Variants in FNBP1L observed in about 807,000 individuals in gnomAD.
The protein encoded by FNBP1L is formin binding protein 1 like.
Under a neutral mutation model 91.2 loss-of-function variants are expected in FNBP1L, and 36 were observed. The observed-to-expected ratio is 0.39, with a 90% CI of 0.30 to 0.52. The LOEUF is 0.52. Ranked by LOEUF, FNBP1L falls within the 20% of genes least tolerant of loss-of-function variation. The pLI is 0.66. For missense variants in FNBP1L, 571 were observed against 732.1 expected, an observed-to-expected ratio of 0.78 and a Z score of 2.54; for synonymous variants, 242 against 237.0, an observed-to-expected ratio of 1.02 and a Z score of -0.19.
chr1:93,502,073 A>T (rs977136003), intron 2 of FNBP1L, among the ~76,000 whole-genome samples: 1 of 152,228 alleles, frequency 6.6e-6, no homozygotes, highest in African/African-American at 2.4e-5. Context: ...CTTATTCATC[A>T]GGTTGAATGA....
intron 14 of FNBP1L, among the ~76,000 whole-genome samples, chr1:93,548,836 A>G (rs1672319074): frequency 6.6e-6 from 1 of 152,200 alleles, no homozygotes; most frequent in African/African-American, 2.4e-5. Flanking sequence ...TGAACTGGTT[A>G]TATAGATGAT....
intron 2 of FNBP1L, among the ~76,000 whole-genome samples, chr1:93,499,859 C>T (rs550935813): frequency 5.3e-5 from 8 of 152,206 alleles, no homozygotes; most frequent in African/African-American, 1.9e-4. Flanking sequence ...GAAATATCTG[C>T]GTGTTATTCT....
Position 93,539,595 on chromosome 1 carries a change from C to G in FNBP1L, c.1150-1447C>G, listed in dbSNP as rs564787151. 3.3e-5 allele frequency among the ~76,000 whole-genome samples: 5 copies of G among 152,072 alleles called. No individual in the cohort carries two copies. In the South Asian group the frequency reaches 1.0e-3, roughly 32 times the overall value. ...TATAGAAATTAGATAATTTGCATCA[C>G]TTAGAAATTTCACTGGTGAAAATTA... On this transcript the variant is annotated intron_variant, in intron 10 of 16. Transcript: ENST00000271234.
At chr1:93,479,409 TCTTAAAC>T (rs1311295963) in intron 1 of FNBP1L, among the ~76,000 whole-genome samples, 2 of 152,180 alleles carry the variant, frequency 1.3e-5, no homozygotes, top group Non-Finnish European at 2.9e-5. Context: ...TTGATAAATA[TCTTAAAC>T]AACAGAAAAC....
intron 9 of FNBP1L, 138 bp downstream of exon 9, chr1:93,535,046 T>TA (rs1462359336): frequency 1.1e-5 from 8 of 706,822 alleles, no homozygotes; most frequent in Middle Eastern, 3.7e-4. Context: ...ACCTTTCACT[T>TA]ATATTAGGAA....
chr1:93,543,287 G>A (rs1334444896), intron 11 of FNBP1L, among the ~76,000 whole-genome samples: 1 of 152,060 alleles, frequency 6.6e-6, no homozygotes, highest in Admixed American at 6.6e-5. Flanking sequence ...GGTGTCATTT[G>A]GATCAGATGT....
At chr1:93,542,681 G>A (rs985976660) in intron 11 of FNBP1L, among the ~76,000 whole-genome samples, 1 of 151,400 alleles carries the variant, frequency 6.6e-6, no homozygotes, top group Non-Finnish European at 1.5e-5. Context: ...ACAGGCATAA[G>A]TGGCCCAAAG....
In FNBP1L at chr1:93,448,323, G is replaced by A. The variant is rs112115613; in HGVS notation, c.24+18G>A. 1 of 1,505,466 alleles carries A rather than the reference G, an allele frequency of 6.6e-7. No homozygotes were observed. The highest frequency in any genetic ancestry group is 8.9e-7 in the Non-Finnish European group (1 of 1,128,626). 93.3% of individuals were successfully genotyped at this position (1,505,466 alleles called of 1,614,324 possible). ...AGCTGTGGGTGAGTCGGGGAGAGGG[G>A]CGCCCCGCACGGACCCCGGCCCCTG... On this transcript the variant is annotated intron_variant, in intron 1 of 16. Transcript: ENST00000271234.
At chr1:93,535,416 T>C (rs554780715) in intron 9 of FNBP1L, among the ~76,000 whole-genome samples, 1 of 152,254 alleles carries the variant, frequency 6.6e-6, no homozygotes, top group East Asian at 1.9e-4. Flanking sequence ...TCTTAACTTC[T>C]TGTTAGAACC....
chr1:93,544,377 C>T (rs1015600668), intron 12 of FNBP1L, among the ~76,000 whole-genome samples, 161 bp downstream of exon 12: 6 of 152,026 alleles, frequency 3.9e-5, no homozygotes, highest in African/African-American at 1.4e-4. Flanking sequence ...TATGGTTACC[C>T]TGTCATAGGT....
intron 4 of FNBP1L, 133 bp downstream of exon 4, chr1:93,523,624 T>G (rs929917447): frequency 1.1e-6 from 1 of 906,674 alleles, no homozygotes; most frequent in Non-Finnish European, 1.6e-6. Flanking sequence ...AGCTAAAAAT[T>G]ATCACAAAAT....
At chr1:93,510,605 G>A (rs1272185340) in intron 2 of FNBP1L, among the ~76,000 whole-genome samples, 10 of 151,426 alleles carry the variant, frequency 6.6e-5, no homozygotes, top group African/African-American at 9.7e-5. Flanking sequence ...AAAGCTGGAC[G>A]GAGAATGACT....
chr1:93,522,434 G>A (rs1434750471), intron 3 of FNBP1L, among the ~76,000 whole-genome samples: 1 of 152,154 alleles, frequency 6.6e-6, no homozygotes, highest in African/African-American at 2.4e-5. Context: ...ACTTGGTTGT[G>A]TAGTTGTTGG....
intron 7 of FNBP1L, among the ~76,000 whole-genome samples, chr1:93,531,962 A>C (rs1455767887): frequency 6.6e-6 from 1 of 152,268 alleles, no homozygotes; most frequent in East Asian, 1.9e-4. Flanking sequence ...TATGTGTTCC[A>C]ACATATTTCC....
chr1:93,530,162 G>C (rs1671626677), intron 6 of FNBP1L, among the ~76,000 whole-genome samples: 2 of 152,052 alleles, frequency 1.3e-5, no homozygotes, highest in Admixed American at 1.3e-4. Context: ...CTTTGTACAA[G>C]AGATCAAGAG....
chr1:93,527,982 A>G (rs185997697), intron 5 of FNBP1L, among the ~76,000 whole-genome samples: 19 of 152,042 alleles, frequency 1.2e-4, no homozygotes, highest in Admixed American at 8.5e-4. Context: ...ATGATAGTAG[A>G]AAAAAAAGCC....
At chr1:93,515,203 A>T (rs1233995574) in intron 2 of FNBP1L, among the ~76,000 whole-genome samples, 2 of 152,178 alleles carry the variant, frequency 1.3e-5, no homozygotes, top group Non-Finnish European at 2.9e-5. Flanking sequence ...TGCAAATCAA[A>T]ACCACAATGA....
rs146563281 is a variant in FNBP1L, at chr1:93,497,556, C to G, written c.25-1912C>G. On this transcript the variant is annotated intron_variant, in intron 1 of 16. Transcript: ENST00000271234. ...TCAGATTACTTTACCATTAAGTGTT[C>G]AACTAGGAGTTTATAAATAATAAAG... is the stretch of plus-strand genomic sequence containing the variant. Among the ~76,000 whole-genome samples, 290 of 152,196 alleles carry G rather than the reference C, an allele frequency of 1.9e-3. 2 individuals carry two copies. Among genetic ancestry groups the G allele is most frequent in the African/African-American group, 6.7e-3 (279 of 41,506 alleles).
chr1:93,537,929 G>C (rs1005521867), intron 10 of FNBP1L, among the ~76,000 whole-genome samples: 63 of 152,266 alleles, frequency 4.1e-4, no homozygotes, highest in African/African-American at 1.4e-3. Flanking sequence ...CTGGGCTCAA[G>C]CAGTCCTCCC....
Sources: gnomAD v4.1 joint callset for allele counts (sites outside exome capture counted in the v4.1 genomes callset) on GRCh38, gnomAD v4.1.1 for gene constraint, MANE v1.5 for transcripts, NCBI Gene and HGNC (gene_info 2026-07-23, HGNC 2026-07-21) for gene names.